The following ARVCF variants were observed in gnomAD, a reference collection of about 807,000 sequenced individuals.
ARVCF encodes ARVCF delta catenin family member.
A neutral mutation model predicts 90.9 loss-of-function variants in ARVCF; 66 were observed. The ratio of observed to expected loss-of-function variants is 0.73; its 90% CI spans 0.60 to 0.89. ARVCF has a LOEUF of 0.89. Among genes scored for constraint, ARVCF ranks in the 40% least tolerant of loss-of-function variants. ARVCF has a pLI of 0.00. For synonymous variants in ARVCF, 653 were observed against 603.4 expected (o/e 1.08, Z -1.21); for missense variants, 1,469 against 1,382.3 (o/e 1.06, Z -1.00).
chr22:19,979,480 G>C (rs1303744541), intron 6 of ARVCF: 11 of 580,060 alleles, frequency 1.9e-5, no homozygotes, highest in Non-Finnish European at 3.0e-5. Context: ...AGTTTCTGTG[G>C]GGGCAGGAGG....
chr22:20,005,234 G>A (rs1443171633), intron 2 of ARVCF, among the ~76,000 whole-genome samples: 1 of 152,050 alleles, frequency 6.6e-6, no homozygotes, highest in Admixed American at 6.5e-5. Context: ...GAGTGGAGTT[G>A]AACTGACATT....
intron 1 of ARVCF, among the ~76,000 whole-genome samples, chr22:20,012,657 C>T (rs1386702686): frequency 6.6e-6 from 1 of 152,260 alleles, no homozygotes; most frequent in South Asian, 2.1e-4. Flanking sequence ...ATGGGACCCC[C>T]ACACTGGGTC....
rs566305626 is a variant in ARVCF at position 19,990,512 on chromosome 22, G to A, written c.210+73C>T. ...GCAATAAGCGAGCGCATGCTGGCTT[G>A]TGGTCCACCAGGACCCACTGATTGT... On this transcript the variant is annotated intron_variant, in intron 3 of 19. Transcript: ENST00000263207. 6 of 1,486,526 alleles carry A rather than the reference G, an allele frequency of 4.0e-6. No individual in the cohort carries two copies. The African/African-American group carries it at 6.9e-5, about 17-fold the overall frequency. 92.1% of individuals were successfully genotyped at this position (1,486,526 alleles called of 1,614,324 possible).
chr22:19,981,387 A>C lies in ARVCF; in HGVS notation c.720T>G (p.Pro240=). 6.3e-7 allele frequency: 1 copy of C among 1,595,820 alleles called. No individual in the cohort carries two copies. The highest frequency in any genetic ancestry group is 8.5e-7 in the Non-Finnish European group (1 of 1,172,976). ...PGHREAFPVG[P]EPGPPGGRSL... The stretch of plus-strand genomic sequence containing the variant: ...AGCGGCCACCTGGTGGCCCAGGCTC[A>C]GGACCCACCGGGAAGGCTTCCCGGT... The change falls in exon 5 of 20, where the codon CCT becomes CCG. Residue 240 remains proline (P), a synonymous_variant. Coordinates refer to ENST00000263207, the MANE Select transcript of ARVCF (RefSeq NM_001670.3).
intron 18 of ARVCF, among the ~76,000 whole-genome samples, 173 bp from the exon 19 acceptor site, chr22:19,971,508 G>A (rs1942785836): frequency 6.6e-6 from 1 of 152,192 alleles, no homozygotes; most frequent in Admixed American, 6.5e-5. Flanking sequence ...CACGGGCCCA[G>A]GGCGGGCACG....
chr22:19,994,687 G>A (rs1314889044), intron 2 of ARVCF, among the ~76,000 whole-genome samples: 1 of 117,296 alleles, frequency 8.5e-6, no homozygotes, highest in Non-Finnish European at 1.8e-5. Context: ...GGATGGTGGA[G>A]GATGAACATA....
Position 19,973,297 on chromosome 22 carries a change from G to C in ARVCF, c.2260C>G (p.Leu754Val). ...DLIGSYAMAE[L>V]VRNVRNAQAP... ...TGTGCATTGCGCACATTCCGCACAA[G>C]CTCAGCCATGGCGTAGCTCCCTGAG... Residue 754 changes from leucine (L) to valine (V), a missense_variant, in exon 14 of 20, where the codon CTT (leucine) becomes GTT (valine). Physicochemically the swap from Leu to Val is conservative, Grantham distance 32. Coordinates refer to ENST00000263207, the MANE Select transcript of ARVCF (RefSeq NM_001670.3). The C allele has an allele frequency of 1.2e-6, 2 of 1,602,760 alleles. No homozygotes were observed. Among genetic ancestry groups the C allele is most frequent in the Non-Finnish European group, 1.7e-6 (2 of 1,177,906 alleles).
intron 3 of ARVCF, among the ~76,000 whole-genome samples, chr22:19,989,901 T>C (rs1372904157): frequency 6.6e-6 from 1 of 152,162 alleles, no homozygotes; most frequent in East Asian, 1.9e-4. Flanking sequence ...ACAGGAACCA[T>C]GATAATCACA....
At position 19,979,017 on chromosome 22, in the gene ARVCF, T is replaced by C; in HGVS notation, c.1460A>G (p.Gln487Arg). ...CACGATCACCTCGTGGGTCAGCGTC[T>C]GCAGGCCATGGTCAATGATGACCAT... is the stretch of plus-strand genomic sequence containing the variant. ...LKMVIIDHGL[Q>R]TLTHEVIVPH... Residue 487 changes from glutamine (Q) to arginine (R), a missense_variant, in exon 7 of 20, where the codon CAG becomes CGG. Transcript: ENST00000263207. The C allele has an allele frequency of 1.2e-6, 2 of 1,613,412 alleles. No homozygotes were observed. The highest frequency in any genetic ancestry group is 2.2e-5 in the South Asian group (2 of 91,076).
At chr22:19,975,918 A>C (rs750539174) in intron 10 of ARVCF, among the ~76,000 whole-genome samples, 161 bp from the exon 11 acceptor site, 1 of 152,132 alleles carries the variant, frequency 6.6e-6, no homozygotes, top group Non-Finnish European at 1.5e-5. Context: ...GAGTTTGGGC[A>C]GACAGTTTAG....
rs185807825 is a variant in ARVCF, at chr22:20,012,768, G to T, written c.-72-2260C>A. Among the ~76,000 whole-genome samples the T allele has an allele frequency of 3.9e-5, 6 of 152,374 alleles. No individual in the cohort carries two copies. In the East Asian group the frequency reaches 1.2e-3, roughly 29 times the overall value. ...TAGTAAGCCCTGTGGTTCTGGCACGGTATCCATGGTCCAACCAGAGGGCTG... is the reference window on the plus strand; with the variant it reads ...TAGTAAGCCCTGTGGTTCTGGCACGTTATCCATGGTCCAACCAGAGGGCTG... On this transcript the variant is annotated intron_variant, in intron 1 of 19. Transcript: ENST00000263207.
At chr22:20,007,795 C>T (rs1781198997) in intron 2 of ARVCF, among the ~76,000 whole-genome samples, 1 of 152,220 alleles carries the variant, frequency 6.6e-6, no homozygotes, top group South Asian at 2.1e-4. Flanking sequence ...TCCTGGACTT[C>T]CCCATCTCCA....
intron 1 of ARVCF, among the ~76,000 whole-genome samples, chr22:20,015,591 G>A (rs985290253): frequency 6.6e-6 from 1 of 152,184 alleles, no homozygotes; most frequent in African/African-American, 2.4e-5. Context: ...TTAAGAAGTA[G>A]GAAGAAGTAA....
rs1942838718 is a variant in ARVCF at position 19,972,035 on chromosome 22, C to T, written c.2696-64G>A. 9.1e-6 allele frequency: 13 copies of T among 1,435,456 alleles called. No individual in the cohort carries two copies. The South Asian group carries it at 1.4e-4, about 16-fold the overall frequency. 88.9% of individuals were successfully genotyped at this position (1,435,456 alleles called of 1,614,324 possible). On this transcript the variant is annotated intron_variant, in intron 17 of 19. Transcript: ENST00000263207. ...AGGGAGGCCCTGTAGGAGCAGATCT[C>T]CCTCTCAGCCCAGACACAGGGGACT...
chr22:19,987,764 A>T (rs1169511707), intron 3 of ARVCF, among the ~76,000 whole-genome samples: 3 of 151,948 alleles, frequency 2.0e-5, no homozygotes, highest in African/African-American at 7.3e-5. Flanking sequence ...CTGTCCCCAC[A>T]GAGTTCGATG....
chr22:19,969,739 G>T, downstream of ARVCF: 1 of 771,172 alleles, frequency 1.3e-6, no homozygotes, highest in Non-Finnish European at 1.6e-6. Context: ...GGACAAGTTT[G>T]GGGCCACCCA....
intron 10 of ARVCF, among the ~76,000 whole-genome samples, chr22:19,976,216 C>T (rs976322430): frequency 2.6e-5 from 4 of 152,202 alleles, no homozygotes. Flanking sequence ...CCAGGATCTA[C>T]TAGCCAGGAG....
chr22:19,980,037 G>T lies in ARVCF; in HGVS notation c.1102C>A (p.Arg368=). 6.3e-7 allele frequency: 1 copy of T among 1,587,258 alleles called. No individual in the cohort carries two copies. The part of the protein sequence containing the change: ...PELPEVLAML[R]HPVDPVKANA... ...GCCTTCACGGGGTCCACGGGGTGCCGCAGCATGGCCAGCACCTCAGGCAGC... is the reference window on the plus strand; with the variant it reads ...GCCTTCACGGGGTCCACGGGGTGCCTCAGCATGGCCAGCACCTCAGGCAGC... The change falls in exon 6 of 20, where the codon CGG becomes AGG. Residue 368 remains arginine (R), a synonymous_variant. Coordinates refer to ENST00000263207, the MANE Select transcript of ARVCF (RefSeq NM_001670.3).
At chr22:20,003,565 G>A (rs1296976635) in intron 2 of ARVCF, among the ~76,000 whole-genome samples, 1 of 152,166 alleles carries the variant, frequency 6.6e-6, no homozygotes, top group African/African-American at 2.4e-5. Flanking sequence ...TGCAAGGATG[G>A]TTCCATGTAC....
Sources: gnomAD v4.1 joint callset for allele counts (sites outside exome capture counted in the v4.1 genomes callset) on GRCh38, gnomAD v4.1.1 for gene constraint, MANE v1.5 for transcripts, NCBI Gene and HGNC (gene_info 2026-07-23, HGNC 2026-07-21) for gene names.